ATF7IP: variants seen among roughly 807,000 people sequenced by gnomAD.
ATF7IP encodes the protein activating transcription factor 7 interacting protein, also known as activating transcription factor 7-interacting protein 1.
A neutral mutation model predicts 106.4 loss-of-function variants in ATF7IP; 23 were observed. The observed-to-expected ratio is 0.22, with a 90% CI of 0.16 to 0.31. The LOEUF (loss-of-function observed/expected upper bound fraction) is 0.31, where lower values mean the gene tolerates loss of function less well. Ranked by LOEUF, ATF7IP falls within the 10% of genes least tolerant of loss-of-function variation. ATF7IP has a pLI of 1.00. For synonymous variants in ATF7IP, 542 were observed against 539.0 expected, an observed-to-expected ratio of 1.01 and a Z score of -0.08; for missense variants, 1,334 against 1,524.3, an observed-to-expected ratio of 0.88 and a Z score of 2.08.
chr12:14,452,576 A>T (rs1045409337), intron 6 of ATF7IP, among the ~76,000 whole-genome samples: 1 of 152,134 alleles, frequency 6.6e-6, no homozygotes, highest in African/African-American at 2.4e-5. Flanking sequence ...TGTCTATGTT[A>T]AACTGCAAAT....
At chr12:14,408,188 T>G (rs1451393139) in intron 1 of ATF7IP, among the ~76,000 whole-genome samples, 1 of 151,998 alleles carries the variant, frequency 6.6e-6, no homozygotes, top group Non-Finnish European at 1.5e-5. Context: ...GCCCATTTAT[T>G]TAGCTTAACA....
intron 6 of ATF7IP, among the ~76,000 whole-genome samples, chr12:14,452,787 T>C: frequency 6.6e-6 from 1 of 152,196 alleles, no homozygotes; most frequent in East Asian, 1.9e-4. Context: ...TTTCTCCTTA[T>C]CAACATTTTC....
chr12:14,409,050 T>C (rs540810829), intron 1 of ATF7IP, among the ~76,000 whole-genome samples: 18 of 152,162 alleles, frequency 1.2e-4, no homozygotes, highest in African/African-American at 3.9e-4. Flanking sequence ...TTTTCTAATA[T>C]CAAAGCTTTG....
intron 13 of ATF7IP, among the ~76,000 whole-genome samples, chr12:14,489,351 A>G (rs1400067803): frequency 1.3e-5 from 2 of 152,198 alleles, no homozygotes; most frequent in Admixed American, 6.5e-5. Context: ...GGAGGATCCC[A>G]AAGTATCCAG....
chr12:14,417,588 C>T (rs567188301), intron 1 of ATF7IP, among the ~76,000 whole-genome samples: 74 of 151,888 alleles, frequency 4.9e-4, no homozygotes, highest in South Asian at 2.1e-4. Flanking sequence ...TATGTTCTTA[C>T]GTATATTGTC....
chr12:14,456,546 T>G lies in ATF7IP; in HGVS notation c.1996-15T>G. 1 of 1,599,442 alleles carries G rather than the reference T, an allele frequency of 6.3e-7. No individual in the cohort carries two copies. ...TTGAGTTTTATTTTTACCTTGATTT[T>G]TTTTTCTCCCCCAGCATCCACCCAA... On this transcript the variant is annotated splice_polypyrimidine_tract_variant and intron_variant, in intron 6 of 14. Coordinates refer to ENST00000261168, the MANE Select transcript of ATF7IP (RefSeq NM_018179.5).
At chr12:14,494,599 T>G (rs1944951015) in intron 13 of ATF7IP, among the ~76,000 whole-genome samples, 1 of 148,532 alleles carries the variant, frequency 6.7e-6, no homozygotes, top group African/African-American at 2.5e-5. Context: ...TTTATATATA[T>G]AAAGGGGAGT....
intron 1 of ATF7IP, among the ~76,000 whole-genome samples, chr12:14,382,257 G>A (rs1248370140): frequency 2.0e-5 from 3 of 152,122 alleles, no homozygotes; most frequent in South Asian, 4.1e-4. Context: ...ATTAAACATT[G>A]GATAGTCATG....
chr12:14,401,947 C>T (rs1274313172), intron 1 of ATF7IP, among the ~76,000 whole-genome samples: 4 of 150,418 alleles, frequency 2.7e-5, no homozygotes, highest in African/African-American at 7.3e-5. Flanking sequence ...CTCCTGACCT[C>T]GTGATGCGCT....
chr12:14,396,439 A>T (rs1046025341), intron 1 of ATF7IP, among the ~76,000 whole-genome samples: 1 of 148,712 alleles, frequency 6.7e-6, no homozygotes, highest in African/African-American at 2.5e-5. Context: ...CTTGGATTTA[A>T]AAAAAAAAAG....
intron 1 of ATF7IP, chr12:14,369,090 G>A (rs1938424542): frequency 6.7e-6 from 1 of 150,062 alleles, no homozygotes; most frequent in Admixed American, 6.6e-5. Context: ...GACTACTGGT[G>A]AAGGATATCA....
intron 2 of ATF7IP, among the ~76,000 whole-genome samples, chr12:14,428,184 G>A (rs1449859562): frequency 6.6e-6 from 1 of 152,082 alleles, no homozygotes; most frequent in African/African-American, 2.4e-5. Context: ...GCAAATTGCA[G>A]CTTATGATTT....
intron 1 of ATF7IP, among the ~76,000 whole-genome samples, chr12:14,375,211 CT>C (rs979775524): frequency 3.0e-4 from 44 of 145,296 alleles, no homozygotes; most frequent in East Asian, 6.0e-4. Context: ...GATGTCAGAA[CT>C]TTTTTTTTTT....
Position 14,491,869 on chromosome 12 carries a change from T to C in ATF7IP, c.3281-4362T>C, listed in dbSNP as rs575323843. Among the ~76,000 whole-genome samples the C allele has an allele frequency of 2.7e-4, 41 of 152,356 alleles. No individual in the cohort carries two copies. The South Asian group carries it at 8.3e-3, about 31-fold the overall frequency. On this transcript the variant is annotated intron_variant, in intron 13 of 14. Transcript: ENST00000261168. ...AGTAATCCACTGCCATTCTCCATGA[T>C]CCATCTGTCTTCTGCATAGGCCACA...
intron 1 of ATF7IP, among the ~76,000 whole-genome samples, chr12:14,410,455 A>C (rs1250514749): frequency 6.6e-6 from 1 of 152,152 alleles, no homozygotes; most frequent in Non-Finnish European, 1.5e-5. Flanking sequence ...TGGTATCACA[A>C]TGTTTGTCTT....
chr12:14,487,788 C>G (rs527717963), intron 13 of ATF7IP, among the ~76,000 whole-genome samples: 52 of 152,308 alleles, frequency 3.4e-4, no homozygotes, highest in African/African-American at 1.2e-3. Context: ...AGCCAGGAGA[C>G]AGAATCCCTG....
intron 1 of ATF7IP, among the ~76,000 whole-genome samples, chr12:14,416,245 G>A (rs1230074904): frequency 1.3e-5 from 2 of 149,672 alleles, no homozygotes; most frequent in Non-Finnish European, 3.0e-5. Context: ...TTCTAAAGAG[G>A]TTAGAAATTA....
At chr12:14,433,683 GA>G (rs1449742648) in intron 2 of ATF7IP, among the ~76,000 whole-genome samples, 1 of 150,910 alleles carries the variant, frequency 6.6e-6, no homozygotes, top group Non-Finnish European at 1.5e-5. Context: ...AAAAAAAAAA[GA>G]AAAGAAAATT....
intron 1 of ATF7IP, among the ~76,000 whole-genome samples, chr12:14,408,887 A>C (rs1352119698): frequency 6.6e-6 from 1 of 152,152 alleles, no homozygotes; most frequent in Non-Finnish European, 1.5e-5. Context: ...TTACGTGTAC[A>C]TAGCGCATCA....
Sources: allele counts gnomAD v4.1 joint callset (sites outside exome capture counted in the v4.1 genomes callset), GRCh38; gene constraint gnomAD v4.1.1; transcripts MANE v1.5; gene names NCBI Gene and HGNC (gene_info 2026-07-23, HGNC 2026-07-21).